EXT1: variants seen among roughly 807,000 people sequenced by gnomAD.
EXT1 encodes the protein exostosin glycosyltransferase 1, also known as exostosin-1.
A neutral mutation model predicts 82.5 loss-of-function variants in EXT1; 20 were observed. The observed-to-expected ratio is 0.24, with a 90% CI of 0.17 to 0.35. The LOEUF (loss-of-function observed/expected upper bound fraction) is 0.35, where lower values mean the gene tolerates loss of function less well. EXT1 is among the 10% of genes least tolerant of loss of function. The pLI is 1.00. For missense variants in EXT1, 757 were observed against 936.5 expected (o/e 0.81, Z 2.50); for synonymous variants, 348 against 350.8 (o/e 0.99, Z 0.09).
intron 1 of EXT1, among the ~76,000 whole-genome samples, chr8:118,051,770 T>C (rs1273909403): frequency 1.7e-5 from 2 of 119,636 alleles, no homozygotes; most frequent in East Asian, 4.2e-4. Flanking sequence ...GCTAACAATA[T>C]CGTAAGATCA....
At chr8:117,869,112 T>C (rs1812826077) in intron 1 of EXT1, among the ~76,000 whole-genome samples, 1 of 152,194 alleles carries the variant, frequency 6.6e-6, no homozygotes, top group Admixed American at 6.5e-5. Context: ...CCCCACCCAG[T>C]GTCTGCCCCA....
chr8:118,020,166 A>G (rs1816076234), intron 1 of EXT1, among the ~76,000 whole-genome samples: 1 of 152,210 alleles, frequency 6.6e-6, no homozygotes, highest in South Asian at 2.1e-4. Context: ...GCTTGTCTGG[A>G]AAGGATTTTA....
chr8:117,795,742 A>C lies in EXT1; in HGVS notation c.*3970T>G, dbSNP rs1385962267. 6.6e-6 allele frequency: 1 copy of C among 152,194 alleles called. No homozygotes were observed. Among genetic ancestry groups the C allele is most frequent in the Non-Finnish European group, 1.5e-5 (1 of 68,138 alleles). 9.4% of individuals were successfully genotyped at this position (152,194 alleles called of 1,614,324 possible). ...AACCGGGGAGGCGGAGGTTGCAGTG[A>C]CTGAGCTGAGATCACACCAATGCAT... On this transcript the variant is annotated 3_prime_UTR_variant, in exon 11 of 11. Coordinates refer to ENST00000378204, the MANE Select transcript of EXT1 (RefSeq NM_000127.3).
chr8:117,879,733 T>C (rs1352914123), intron 1 of EXT1, among the ~76,000 whole-genome samples: 2 of 152,182 alleles, frequency 1.3e-5, no homozygotes, highest in African/African-American at 4.8e-5. Context: ...TTTATGCATT[T>C]TCCCCCCAAA....
At chr8:117,900,657 G>T (rs1055423904) in intron 1 of EXT1, among the ~76,000 whole-genome samples, 1 of 152,116 alleles carries the variant, frequency 6.6e-6, no homozygotes, top group African/African-American at 2.4e-5. Flanking sequence ...CAATCCTTGG[G>T]CTTGGAGTCA....
At chr8:117,870,648 A>G (rs73320185) in intron 1 of EXT1, among the ~76,000 whole-genome samples, 7,541 of 152,160 alleles carry the variant, frequency 0.05, 442 homozygotes, top group African/African-American at 0.15. Context: ...CTGTCATGCA[A>G]CTTGCTCCAG....
intron 1 of EXT1, among the ~76,000 whole-genome samples, chr8:118,071,090 T>C (rs983813704): frequency 1.3e-5 from 2 of 152,164 alleles, no homozygotes; most frequent in African/African-American, 4.8e-5. Flanking sequence ...AAAGTGAGAA[T>C]TTAAATAAAT....
chr8:117,807,286 C>G lies in EXT1; in HGVS notation c.1814G>C (p.Arg605Pro), dbSNP rs755747479. 6.2e-7 allele frequency: 1 copy of G among 1,614,160 alleles called. No homozygotes were observed. Among genetic ancestry groups the G allele is most frequent in the South Asian group, 1.1e-5 (1 of 91,082 alleles). The change falls in exon 9 of 11, where the codon CGG becomes CCG. Residue 605 changes from arginine to proline, a missense_variant. By Grantham distance (103) the Arg-to-Pro change is moderately radical. Around this residue, in one of 4 missense-constraint regions of EXT1, gnomAD observed 128 missense variants for 223.2 expected, o/e 0.57. Transcript: ENST00000378204. Reference protein sequence around the residue: ...RSHFWDNSKERWGYTSKWTND... With the variant: ...RSHFWDNSKEPWGYTSKWTND... ...CGTCCACTTTGATGTGTATCCCCACCGCTCCTTAGAGTTATCCCAGAAGTG... is the reference window on the plus strand; with the variant it reads ...CGTCCACTTTGATGTGTATCCCCACGGCTCCTTAGAGTTATCCCAGAAGTG...
chr8:118,030,950 G>T (rs558671582), intron 1 of EXT1, among the ~76,000 whole-genome samples: 2 of 152,266 alleles, frequency 1.3e-5, no homozygotes, highest in East Asian at 3.9e-4. Context: ...TCCTTTTAAG[G>T]TGATCAAATT....
At chr8:117,819,122 CCTT>C (rs1469279174) in intron 6 of EXT1, among the ~76,000 whole-genome samples, 5 of 152,186 alleles carry the variant, frequency 3.3e-5, no homozygotes, top group East Asian at 3.8e-4. Context: ...TGTTTGTAAA[CCTT>C]CTTGTATAAA....
intron 1 of EXT1, among the ~76,000 whole-genome samples, chr8:118,098,102 C>A (rs958178746): frequency 1.3e-5 from 2 of 152,102 alleles, no homozygotes; most frequent in Non-Finnish European, 2.9e-5. Flanking sequence ...TGTGAATTAA[C>A]TATGAGACAC....
intron 1 of EXT1, among the ~76,000 whole-genome samples, chr8:117,980,717 T>G (rs377302384): frequency 0.46 from 64,073 of 138,696 alleles, 16,614 homozygotes; most frequent in African/African-American, 0.52. Context: ...TTTTTTTTTT[T>G]TTTTTTTTTT....
chr8:117,957,969 TCAAA>T (rs1814622697), intron 1 of EXT1, among the ~76,000 whole-genome samples: 1 of 152,120 alleles, frequency 6.6e-6, no homozygotes, highest in East Asian at 1.9e-4. Flanking sequence ...CTTAACCAAC[TCAAA>T]CAATCAGCTC....
intron 1 of EXT1, among the ~76,000 whole-genome samples, chr8:117,926,015 C>T (rs925206844): frequency 6.6e-6 from 1 of 152,178 alleles, no homozygotes; most frequent in Non-Finnish European, 1.5e-5. Flanking sequence ...GAAACCAAGA[C>T]CCAAAGGGTT....
At chr8:117,948,874 G>T (rs1814438231) in intron 1 of EXT1, among the ~76,000 whole-genome samples, 1 of 152,130 alleles carries the variant, frequency 6.6e-6, no homozygotes, top group Non-Finnish European at 1.5e-5. Flanking sequence ...TATGTTTTGG[G>T]TTGTTGGTTT....
At chr8:117,898,016 T>C (rs1361069397) in intron 1 of EXT1, among the ~76,000 whole-genome samples, 1 of 152,208 alleles carries the variant, frequency 6.6e-6, no homozygotes, top group Non-Finnish European at 1.5e-5. Context: ...AAGTGATTAT[T>C]GTCCTTGTTA....
At chr8:117,965,175 G>A (rs1328516621) in intron 1 of EXT1, among the ~76,000 whole-genome samples, 11 of 151,910 alleles carry the variant, frequency 7.2e-5, no homozygotes, top group Admixed American at 2.0e-4. Flanking sequence ...CACAACCAGC[G>A]TATCCTCTGG....
intron 1 of EXT1, among the ~76,000 whole-genome samples, chr8:117,873,447 CTTTTTTT>C (rs1184985472): frequency 6.0e-5 from 6 of 99,706 alleles, no homozygotes; most frequent in South Asian, 6.9e-4. Context: ...TGTCCTGTGA[CTTTTTTT>C]TTTTTTTTTT....
At chr8:118,082,390 T>C (rs1268817635) in intron 1 of EXT1, among the ~76,000 whole-genome samples, 1 of 152,216 alleles carries the variant, frequency 6.6e-6, no homozygotes, top group Non-Finnish European at 1.5e-5. Flanking sequence ...AAAAAGTTTC[T>C]AAAACTAGAC....
Sources: gnomAD v4.1 joint callset for allele counts (sites outside exome capture counted in the v4.1 genomes callset) on GRCh38, gnomAD v4.1.1 for gene constraint, gnomAD v4.1.1 regional missense constraint, MANE v1.5 for transcripts, NCBI Gene and HGNC (gene_info 2026-07-23, HGNC 2026-07-21) for gene names.